RARB: variants seen among roughly 807,000 people sequenced by gnomAD.
RARB encodes retinoic acid receptor beta, also known as HBV-activated protein.
A neutral mutation model predicts 51.9 loss-of-function variants in RARB; 17 were observed. That is an observed-to-expected ratio of 0.33 (90% CI 0.22 to 0.49). The LOEUF (loss-of-function observed/expected upper bound fraction) is 0.49. Among genes scored for constraint, RARB ranks in the 20% least tolerant of loss-of-function variants. RARB has a pLI of 0.99. For missense variants in RARB, 369 were observed against 550.8 expected (o/e 0.67, Z 3.30); for synonymous variants, 215 against 195.4 (o/e 1.10, Z -0.84).
At chr3:25,090,666 C>G (rs1020508956) in intron 3 of RARB, among the ~76,000 whole-genome samples, 2 of 152,026 alleles carry the variant, frequency 1.3e-5, no homozygotes, top group Non-Finnish European at 2.9e-5. Context: ...TTCTCACTTC[C>G]TATATAAACA....
Position 24,973,029 on chromosome 3 carries a change from T to A in RARB, c.-379-87096T>A, listed in dbSNP as rs185703883. ...GCTTTTGTTGCCTGTGCTTTTAAGG[T>A]TTTTCACAAAAAAGCTTTGCCCAGA... On this transcript the variant is annotated intron_variant, in intron 2 of 11. Coordinates refer to the RARB transcript ENST00000383772. Among the ~76,000 whole-genome samples, 25 of 152,146 alleles carry A rather than the reference T, an allele frequency of 1.6e-4. No individual in the cohort carries two copies. The East Asian group carries it at 4.1e-3, about 25-fold the overall frequency.
intron 2 of RARB, chr3:24,858,836 A>C (rs1300256655): frequency 6.6e-6 from 1 of 152,052 alleles, no homozygotes; most frequent in African/African-American, 2.4e-5. Flanking sequence ...TAGGAGTTCG[A>C]GACCAGCCTG....
intron 2 of RARB, among the ~76,000 whole-genome samples, chr3:24,987,903 C>T (rs1696829245): frequency 6.6e-6 from 1 of 152,098 alleles, no homozygotes; most frequent in Admixed American, 6.6e-5. Context: ...AAAATAACAC[C>T]AACAAGAAAA....
At chr3:25,135,497 C>T (rs2062485) in intron 4 of RARB, among the ~76,000 whole-genome samples, 2,540 of 151,962 alleles carry the variant, frequency 0.017, 65 homozygotes, top group African/African-American at 0.05. Flanking sequence ...AAATAGACCA[C>T]GATTATGCTA....
intron 5 of RARB, among the ~76,000 whole-genome samples, chr3:25,410,267 T>A (rs1019234689): frequency 3.3e-5 from 5 of 152,196 alleles, no homozygotes; most frequent in Admixed American, 6.5e-5. Context: ...AAATTTCCAG[T>A]GCCTGGTGAA....
intron 1 of RARB, among the ~76,000 whole-genome samples, chr3:24,856,783 G>A (rs1702641460): frequency 6.6e-6 from 1 of 152,162 alleles, no homozygotes; most frequent in Middle Eastern, 3.2e-3. Context: ...TTTCCCCTCT[G>A]TGAGTTCAAG....
At chr3:25,287,451 G>T (rs1437400552) in intron 5 of RARB, among the ~76,000 whole-genome samples, 1 of 152,164 alleles carries the variant, frequency 6.6e-6, no homozygotes, top group Non-Finnish European at 1.5e-5. Flanking sequence ...TCTAAGGGAT[G>T]TTGGTCCCTC....
chr3:25,371,066 A>G (rs1254067641), intron 5 of RARB, among the ~76,000 whole-genome samples: 1 of 152,186 alleles, frequency 6.6e-6, no homozygotes, highest in East Asian at 1.9e-4. Flanking sequence ...ATCCAAGACG[A>G]TTTCTCCTGC....
At chr3:25,090,659 T>C (rs768589517) in intron 3 of RARB, among the ~76,000 whole-genome samples, 49 of 152,108 alleles carry the variant, frequency 3.2e-4, no homozygotes, top group African/African-American at 1.1e-3. Context: ...GAATCTCTTC[T>C]CACTTCCTAT....
At chr3:25,309,555 T>C (rs1704239108) in intron 5 of RARB, among the ~76,000 whole-genome samples, 1 of 139,786 alleles carries the variant, frequency 7.2e-6, no homozygotes, top group South Asian at 2.4e-4. Flanking sequence ...TGGAGTGCAG[T>C]GGTGTGATCT....
At chr3:25,538,710 A>G (rs921826072) in intron 3 of RARB, among the ~76,000 whole-genome samples, 2 of 152,220 alleles carry the variant, frequency 1.3e-5, no homozygotes, top group Non-Finnish European at 2.9e-5. Flanking sequence ...ATGGAGGGAA[A>G]ACACTAGAAT....
chr3:25,202,119 A>T (rs1393871280), intron 5 of RARB, among the ~76,000 whole-genome samples: 1 of 152,042 alleles, frequency 6.6e-6, no homozygotes, highest in African/African-American at 2.4e-5. Flanking sequence ...AGATCCTGTT[A>T]TTGGTCTATT....
chr3:25,244,487 G>A (rs1702508828), intron 5 of RARB, among the ~76,000 whole-genome samples: 1 of 152,114 alleles, frequency 6.6e-6, no homozygotes, highest in African/African-American at 2.4e-5. Flanking sequence ...CTTTAGCTGT[G>A]TCTAAGAGAT....
At chr3:25,168,194 G>A (rs926702807) in intron 4 of RARB, among the ~76,000 whole-genome samples, 7 of 152,056 alleles carry the variant, frequency 4.6e-5, no homozygotes, top group Admixed American at 3.9e-4. Flanking sequence ...ATAAAACACT[G>A]AAAAGGACAT....
intron 5 of RARB, among the ~76,000 whole-genome samples, chr3:25,244,046 T>C (rs1242781172): frequency 2.0e-5 from 3 of 152,156 alleles, no homozygotes; most frequent in Non-Finnish European, 4.4e-5. Context: ...TGGAAAGGTG[T>C]ATGTGTCCAG....
rs79777014 is a variant in RARB, at chr3:25,522,478, A to C, written c.448+21155A>C. 3.7e-3 allele frequency among the ~76,000 whole-genome samples: 556 copies of C among 152,282 alleles called. 5 individuals carry two copies. The highest frequency in any genetic ancestry group is 0.013 in the African/African-American group (520 of 41,560). On this transcript the variant is annotated intron_variant, in intron 3 of 7. Coordinates refer to ENST00000330688, the MANE Select transcript of RARB (RefSeq NM_000965.5). ...ATTGAAGTTTTCTTTATTTAGCAGT[A>C]AGGTTTCTTTATTATCCCCTGAAAA...
At chr3:25,058,754 T>C (rs1047432693) in intron 2 of RARB, among the ~76,000 whole-genome samples, 1 of 151,712 alleles carries the variant, frequency 6.6e-6, no homozygotes, top group Admixed American at 6.6e-5. Context: ...ATCAAAAATT[T>C]GTTATTGGAT....
intron 5 of RARB, among the ~76,000 whole-genome samples, chr3:25,208,314 T>G (rs1202942915): frequency 1.3e-5 from 2 of 152,210 alleles, no homozygotes; most frequent in Admixed American, 1.3e-4. Flanking sequence ...TTTTTTCTTA[T>G]TCTAATATTC....
intron 5 of RARB, among the ~76,000 whole-genome samples, chr3:25,233,670 A>T (rs1279507167): frequency 6.6e-6 from 1 of 151,998 alleles, no homozygotes; most frequent in East Asian, 1.9e-4. Flanking sequence ...AACCCATATA[A>T]GCTATAGGGG....
Sources: gnomAD v4.1 joint callset for allele counts (sites outside exome capture counted in the v4.1 genomes callset) on GRCh38, gnomAD v4.1.1 for gene constraint, MANE v1.5 for transcripts, NCBI Gene and HGNC (gene_info 2026-07-23, HGNC 2026-07-21) for gene names.